EFCAB5: variants seen among roughly 807,000 people sequenced by gnomAD.
EFCAB5 encodes EF-hand calcium binding domain 5, also known as EF-hand calcium-binding domain-containing protein 5.
In EFCAB5, 131 loss-of-function variants were observed where a neutral mutation model predicts 167.9. The ratio of observed to expected loss-of-function variants is 0.78; its 90% CI spans 0.68 to 0.90. EFCAB5 has a LOEUF of 0.90. Ranked by LOEUF, EFCAB5 falls within the 40% of genes least tolerant of loss-of-function variation. The probability of loss-of-function intolerance (pLI) is 0.00; values close to 1 mark genes in which losing one functional copy is unlikely to be tolerated. For synonymous variants in EFCAB5, 574 were observed against 602.8 expected, an observed-to-expected ratio of 0.95 and a Z score of 0.70; for missense variants, 1,663 against 1,745.2, an observed-to-expected ratio of 0.95 and a Z score of 0.84.
In EFCAB5 at chr17:30,082,993, T is replaced by C. The variant is rs781067893; in HGVS notation, c.3529T>C (p.Ser1177Pro). Residue 1177 changes from serine to proline, a missense_variant, in exon 18 of 23, where the codon TCC becomes CCC. Physicochemically the swap from Ser to Pro is moderately conservative, Grantham distance 74. Transcript: ENST00000394835. ...CATAGGCTGGCTTTATGACGTCACA[T>C]CCAGCATCACCTCCATCACTACGTA... ...TGIGWLYDVTSSITSITTYFV... is the reference protein window; with the variant it reads ...TGIGWLYDVTPSITSITTYFV... 3 of 1,614,016 alleles carry C rather than the reference T, an allele frequency of 1.9e-6. No individual in the cohort carries two copies. In the Admixed American group the frequency reaches 5.0e-5, roughly 27 times the overall value.
Position 29,969,006 on chromosome 17 carries a change from A to T in EFCAB5, c.406A>T (p.Lys136Ter). 6.3e-7 allele frequency: 1 copy of T among 1,589,644 alleles called. No homozygotes were observed. Among genetic ancestry groups the T allele is most frequent in the South Asian group, 1.2e-5 (1 of 85,686 alleles). Reference protein sequence around the residue: ...AQAMQQKIIDKENLKKELEKK... With the variant: ...AQAMQQKIID ...AGCAATGCAGCAGAAAATAATAGAT[A>T]AGGAAAATCTGAAGAAGGAACTAGA... The change falls in exon 4 of 23, where the codon AAG becomes TAG. Residue 136 changes from lysine to a stop codon, truncating the protein, a stop_gained. Coordinates refer to ENST00000394835, the MANE Select transcript of EFCAB5 (RefSeq NM_198529.4). LOFTEE classifies it high-confidence loss of function.
At chr17:29,991,961 T>C (rs1028014063) in intron 4 of EFCAB5, among the ~76,000 whole-genome samples, 4 of 152,224 alleles carry the variant, frequency 2.6e-5, no homozygotes, top group African/African-American at 9.6e-5. Context: ...AATTTGTGAA[T>C]ACAATGTGAA....
At chr17:30,009,441 A>G (rs1312752033) in intron 7 of EFCAB5, among the ~76,000 whole-genome samples, 1 of 152,122 alleles carries the variant, frequency 6.6e-6, no homozygotes, top group East Asian at 1.9e-4. Flanking sequence ...TTCTGTCTCC[A>G]TAGCTTTGTC....
At chr17:29,986,673 G>A (rs2068290696) in intron 4 of EFCAB5, among the ~76,000 whole-genome samples, 1 of 114,712 alleles carries the variant, frequency 8.7e-6, no homozygotes, top group Non-Finnish European at 1.7e-5. Flanking sequence ...TTTTGAGACG[G>A]AGTCTCGCTG....
chr17:29,985,739 G>A (rs370017463), intron 4 of EFCAB5, among the ~76,000 whole-genome samples: 6 of 152,310 alleles, frequency 3.9e-5, no homozygotes, highest in African/African-American at 1.4e-4. Flanking sequence ...CACCCTGAGT[G>A]AGCCAGGTGT....
intron 16 of EFCAB5, 108 bp from the exon 17 acceptor site, chr17:30,080,645 T>C (rs1411919969): frequency 1.2e-6 from 1 of 826,230 alleles, no homozygotes; most frequent in African/African-American, 1.7e-5. Flanking sequence ...CACTGCTCGG[T>C]CATATAATGC....
chr17:29,998,469 G>A (rs1292113362), intron 6 of EFCAB5, among the ~76,000 whole-genome samples: 2 of 152,176 alleles, frequency 1.3e-5, no homozygotes, highest in Non-Finnish European at 2.9e-5. Context: ...GTAAGAGAAT[G>A]CAAAGAGGAC....
rs114023851 is a variant in EFCAB5, at chr17:29,977,981, T to A, written c.767+8614T>A. Among the ~76,000 whole-genome samples the A allele has an allele frequency of 3.2e-3, 486 of 152,192 alleles. 2 individuals carry two copies. The highest frequency in any genetic ancestry group is 9.3e-3 in the East Asian group (48 of 5,182). ...TTCAAAGTACTTTTTGTATTTTTTT[T>A]AAAAAAAGCTTCAAAATATCTTACT... On this transcript the variant is annotated intron_variant, in intron 4 of 22. Transcript: ENST00000394835.
chr17:29,960,825 AC>A (rs1234034502), intron 3 of EFCAB5, among the ~76,000 whole-genome samples: 1 of 152,112 alleles, frequency 6.6e-6, no homozygotes, highest in Non-Finnish European at 1.5e-5. Flanking sequence ...TTCTAGGTTT[AC>A]CTTAAAAAAT....
chr17:29,954,817 A>T (rs553616656), intron 3 of EFCAB5, among the ~76,000 whole-genome samples: 1 of 152,314 alleles, frequency 6.6e-6, no homozygotes, highest in Admixed American at 6.5e-5. Flanking sequence ...CCAGAAGGGG[A>T]GCTGTACCCT....
intron 8 of EFCAB5, among the ~76,000 whole-genome samples, chr17:30,041,479 T>G (rs2069773327): frequency 6.6e-6 from 1 of 152,216 alleles, no homozygotes; most frequent in African/African-American, 2.4e-5. Flanking sequence ...CATGACAAAT[T>G]TTTTCTAATG....
At chr17:30,003,059 G>C (rs1294441558) in intron 7 of EFCAB5, among the ~76,000 whole-genome samples, 2 of 141,308 alleles carry the variant, frequency 1.4e-5, no homozygotes, top group Non-Finnish European at 3.0e-5. Context: ...CTGAGACTCT[G>C]AGATTCTGTT....
intron 7 of EFCAB5, among the ~76,000 whole-genome samples, chr17:30,007,091 G>A (rs889705944): frequency 6.6e-6 from 1 of 152,112 alleles, no homozygotes; most frequent in Admixed American, 6.5e-5. Context: ...ATCAAAACCA[G>A]AAGAATGGAA....
chr17:29,985,785 G>T (rs1404999654), intron 4 of EFCAB5, among the ~76,000 whole-genome samples: 1 of 152,172 alleles, frequency 6.6e-6, no homozygotes, highest in Non-Finnish European at 1.5e-5. Context: ...ACAACCTTCA[G>T]CATGGGGATC....
At chr17:29,943,424 A>C in intron 2 of EFCAB5, 141 bp from the exon 3 acceptor site, 1 of 617,884 alleles carries the variant, frequency 1.6e-6, no homozygotes, top group Non-Finnish European at 2.7e-6. Context: ...AATATACAGC[A>C]TTAGATCCCA....
chr17:30,027,143 G>A (rs972176973), intron 7 of EFCAB5, among the ~76,000 whole-genome samples: 6 of 150,374 alleles, frequency 4.0e-5, no homozygotes, highest in Non-Finnish European at 8.9e-5. Context: ...CTTGCCACCA[G>A]GCCTGGCTAA....
intron 7 of EFCAB5, among the ~76,000 whole-genome samples, chr17:30,025,364 G>T (rs1050163806): frequency 6.6e-6 from 1 of 152,154 alleles, no homozygotes; most frequent in Non-Finnish European, 1.5e-5. Context: ...CAAAGGGTAT[G>T]AACAGACACT....
chr17:29,983,301 A>G (rs1274570930), intron 4 of EFCAB5, among the ~76,000 whole-genome samples: 3 of 152,220 alleles, frequency 2.0e-5, no homozygotes, highest in Non-Finnish European at 4.4e-5. Context: ...GCTCATTTCC[A>G]TGATGGTATT....
Position 29,969,001 on chromosome 17 carries a change from T to TA in EFCAB5, c.402dup (p.Asp135ArgfsTer2). 1 of 1,588,910 alleles carries TA rather than the reference T, an allele frequency of 6.3e-7. No individual in the cohort carries two copies. The highest frequency in any genetic ancestry group is 8.6e-7 in the Non-Finnish European group (1 of 1,169,360). On this transcript the variant is annotated frameshift_variant, in exon 4 of 23. Transcript: ENST00000394835. LOFTEE classifies it high-confidence loss of function. ...GCCCAAGCAATGCAGCAGAAAATAA[T>TA]AGATAAGGAAAATCTGAAGAAGGAA...
Sources: gnomAD v4.1 joint callset for allele counts (sites outside exome capture counted in the v4.1 genomes callset) on GRCh38, gnomAD v4.1.1 for gene constraint, MANE v1.5 for transcripts, NCBI Gene and HGNC (gene_info 2026-07-23, HGNC 2026-07-21) for gene names.